DCAF1: variants seen among roughly 807,000 people sequenced by gnomAD.
DCAF1 encodes the protein DDB1- and CUL4-associated factor 1.
In DCAF1, 15 loss-of-function variants were observed where a neutral mutation model predicts 128.0. The observed-to-expected ratio is 0.12, with a 90% confidence interval of 0.08 to 0.18. The LOEUF is 0.18. Among genes scored for constraint, DCAF1 ranks in the 10% least tolerant of loss-of-function variants. The pLI is 1.00. For synonymous variants in DCAF1, 610 were observed against 603.0 expected, an observed-to-expected ratio of 1.01 and a Z score of -0.17; for missense variants, 988 against 1,649.5, an observed-to-expected ratio of 0.60 and a Z score of 6.95.
At chr3:51,456,664 A>C (rs1384107875) in intron 6 of DCAF1, among the ~76,000 whole-genome samples, 1 of 152,206 alleles carries the variant, frequency 6.6e-6, no homozygotes, top group Non-Finnish European at 1.5e-5. Flanking sequence ...GGCACCCCCC[A>C]GTAGGGGCGG....
In DCAF1 at chr3:51,418,742, C is replaced by G; in HGVS notation, c.3371G>C (p.Ser1124Thr). Reference sequence around the variant, plus strand: ...GTTATAGCTGGCCTCCTCCTGTCCACTAAACACATTATAGAGCTTCAGCTG... The same window carrying G: ...GTTATAGCTGGCCTCCTCCTGTCCAGTAAACACATTATAGAGCTTCAGCTG... ...TGQLKLYNVF[S>T]GQEEASYNCH... The change falls in exon 16 of 25, where the codon AGT becomes ACT. Residue 1124 changes from serine (S) to threonine (T), a missense_variant. Physicochemically the swap from Ser to Thr is moderately conservative, Grantham distance 58 (BLOSUM62 1). Around this residue, in one of 11 missense-constraint regions of DCAF1, gnomAD observed 105 missense variants for 266.7 expected, o/e 0.39. Coordinates refer to ENST00000684031, the MANE Select transcript of DCAF1 (RefSeq NM_001387579.1). 1 of 1,614,018 alleles carries G rather than the reference C, an allele frequency of 6.2e-7. No individual in the cohort carries two copies. The highest frequency in any genetic ancestry group is 1.1e-5 in the South Asian group (1 of 91,086).
intron 2 of DCAF1, among the ~76,000 whole-genome samples, chr3:51,492,284 T>C (rs1167682262): frequency 6.6e-6 from 1 of 151,912 alleles, no homozygotes; most frequent in African/African-American, 2.4e-5. Context: ...CCCAATACTT[T>C]AGGCAGATCA....
At chr3:51,431,139 C>T (rs1399463922) in intron 10 of DCAF1, among the ~76,000 whole-genome samples, 1 of 152,066 alleles carries the variant, frequency 6.6e-6, no homozygotes, top group Non-Finnish European at 1.5e-5. Flanking sequence ...TGGACTCCAG[C>T]ATAGGCGACA....
At chr3:51,408,393 C>T (rs1553627364) in intron 23 of DCAF1, among the ~76,000 whole-genome samples, 1 of 152,110 alleles carries the variant, frequency 6.6e-6, no homozygotes, top group African/African-American at 2.4e-5. Flanking sequence ...TATCCCTGAG[C>T]CACATAAGTC....
chr3:51,479,621 T>C (rs1483010006), intron 3 of DCAF1, among the ~76,000 whole-genome samples: 1 of 151,726 alleles, frequency 6.6e-6, no homozygotes, highest in African/African-American at 2.4e-5. Flanking sequence ...ACCTGAAACC[T>C]CATCTCTACT....
intron 20 of DCAF1, 79 bp downstream of exon 20, chr3:51,413,871 T>C (rs781967291): frequency 8.2e-6 from 11 of 1,338,908 alleles, no homozygotes; most frequent in African/African-American, 3.0e-5. Flanking sequence ...AAGTGAGAGA[T>C]GGTTCCAAAA....
Position 51,441,701 on chromosome 3 carries a change from A to G in DCAF1, c.710T>C (p.Met237Thr). Residue 237 changes from methionine (M) to threonine (T), a missense_variant, in exon 8 of 25, where the codon ATG becomes ACG. Around this residue, in one of 11 missense-constraint regions of DCAF1, gnomAD observed 210 missense variants for 260.2 expected, o/e 0.81. Transcript: ENST00000684031. ...DGDQEEASGD[M>T]EISFHLDSGH... is the part of the protein sequence containing the mutation. ...TGAATCAAGATGAAAGGAGATCTCC[A>G]TGTCTCCAGAAGCTTCCTCTTGGTC... 6.2e-7 allele frequency: 1 copy of G among 1,613,940 alleles called. No homozygotes were observed. The highest frequency in any genetic ancestry group is 8.5e-7 in the Non-Finnish European group (1 of 1,179,884).
chr3:51,483,016 G>A (rs1553653524), intron 3 of DCAF1, among the ~76,000 whole-genome samples: 1 of 150,226 alleles, frequency 6.7e-6, no homozygotes. Flanking sequence ...ACAAACGCCT[G>A]TAATCCCAGC....
Position 51,408,540 on chromosome 3 carries a change from G to C in DCAF1, c.4212+3839C>G, listed in dbSNP as rs562447204. Among the ~76,000 whole-genome samples, 191 of 152,318 alleles carry C rather than the reference G, an allele frequency of 1.3e-3. 2 individuals carry two copies. The highest frequency in any genetic ancestry group is 2.4e-3 in the Admixed American group (36 of 15,304). On this transcript the variant is annotated intron_variant, in intron 23 of 24. Transcript: ENST00000684031. Reference sequence around the variant, plus strand: ...AAGCGTACAAAGCAAAGTAAAACTAGAGACTGGTTTTCCTACAAAGGAAAG... The same window carrying C: ...AAGCGTACAAAGCAAAGTAAAACTACAGACTGGTTTTCCTACAAAGGAAAG...
At chr3:51,453,065 T>C (rs943092355) in intron 6 of DCAF1, among the ~76,000 whole-genome samples, 1 of 151,556 alleles carries the variant, frequency 6.6e-6, no homozygotes, top group African/African-American at 2.4e-5. Context: ...TGTATACAAA[T>C]ATATTGCCAT....
chr3:51,502,425 T>G (rs1018282500), upstream of DCAF1, among the ~76,000 whole-genome samples: 2 of 152,192 alleles, frequency 1.3e-5, no homozygotes, highest in East Asian at 3.9e-4. Flanking sequence ...GACGTGGTGG[T>G]GCATGCCTGT....
chr3:51,430,295 G>C, intron 10 of DCAF1, 83 bp from the exon 11 acceptor site: 1 of 672,028 alleles, frequency 1.5e-6, no homozygotes, highest in Non-Finnish European at 2.7e-6. Context: ...TGCCAGTATA[G>C]ATATCTGCAG....
At chr3:51,503,496 C>T (rs999163542), upstream of DCAF1, among the ~76,000 whole-genome samples, 30 of 152,312 alleles carry the variant, frequency 2.0e-4, no homozygotes, top group East Asian at 1.3e-3. Flanking sequence ...ACAACTCCTG[C>T]GCTTCCTCCA....
rs782117372 is a variant in DCAF1, at chr3:51,425,559, CTTTTTTT to C, written c.1847+1806_1847+1812del. Among the ~76,000 whole-genome samples, 38 of 96,850 alleles carry C rather than the reference CTTTTTTT, an allele frequency of 3.9e-4. No homozygotes were observed. The Admixed American group carries it at 4.4e-3, about 11-fold the overall frequency. 63.5% of individuals were successfully genotyped at this position (96,850 alleles called of 152,430 possible). On this transcript the variant is annotated intron_variant, in intron 13 of 24. Coordinates refer to ENST00000684031, the MANE Select transcript of DCAF1 (RefSeq NM_001387579.1). ...TTCTAGTTATCTTGTAAGCTGTCAT[CTTTTTTT>C]TTTTTTTTTTTTTGGAGACAGAGTC...
intron 4 of DCAF1, among the ~76,000 whole-genome samples, chr3:51,467,416 A>G (rs2108141243): frequency 6.6e-6 from 1 of 151,890 alleles, no homozygotes; most frequent in East Asian, 1.9e-4. Flanking sequence ...AAAACCAAAC[A>G]CCTGTTCTCA....
intron 7 of DCAF1, among the ~76,000 whole-genome samples, chr3:51,443,562 C>T (rs1366883655): frequency 1.3e-5 from 2 of 151,710 alleles, no homozygotes; most frequent in East Asian, 3.9e-4. Flanking sequence ...TGCACTCCAA[C>T]CCGGGCAACA....
At chr3:51,469,990 C>A (rs1704557258) in intron 4 of DCAF1, among the ~76,000 whole-genome samples, 1 of 152,112 alleles carries the variant, frequency 6.6e-6, no homozygotes, top group Non-Finnish European at 1.5e-5. Flanking sequence ...CACTGCACTG[C>A]CGGCTGGGCG....
chr3:51,457,558 C>G (rs1553643206), intron 6 of DCAF1, among the ~76,000 whole-genome samples: 1 of 152,064 alleles, frequency 6.6e-6, no homozygotes, highest in Non-Finnish European at 1.5e-5. Flanking sequence ...AGGAAATACA[C>G]AGAACACCAC....
In DCAF1 at chr3:51,432,528, G is replaced by A. The variant is rs1315389061; in HGVS notation, c.1287+578C>T. On this transcript the variant is annotated intron_variant, in intron 10 of 24. Coordinates refer to ENST00000684031, the MANE Select transcript of DCAF1 (RefSeq NM_001387579.1). ...GGCTGGAATGCAATGCCACAGTCTC[G>A]GCTCACTGCAACCTCCGCCTCCTGG... Among the ~76,000 whole-genome samples, 10 of 151,512 alleles carry A rather than the reference G, an allele frequency of 6.6e-5. No individual in the cohort carries two copies. In the East Asian group the frequency reaches 1.6e-3, roughly 24 times the overall value.
Sources: gnomAD v4.1 joint callset for allele counts (sites outside exome capture counted in the v4.1 genomes callset) on GRCh38, gnomAD v4.1.1 for gene constraint, gnomAD v4.1.1 regional missense constraint, MANE v1.5 for transcripts, NCBI Gene and HGNC (gene_info 2026-07-23, HGNC 2026-07-21) for gene names.